Variants in TRAM2 observed in about 807,000 individuals in gnomAD.
TRAM2 encodes the protein translocating chain-associated membrane protein 2.
TRAM2 carries 12 observed loss-of-function variants against 51.0 expected under a neutral mutation model. The ratio of observed to expected loss-of-function variants is 0.24; its 90% CI spans 0.15 to 0.38. The LOEUF is 0.38. Among genes scored for constraint, TRAM2 ranks in the 10% least tolerant of loss-of-function variants. The pLI is 1.00. For missense variants in TRAM2, 361 were observed against 462.0 expected, an observed-to-expected ratio of 0.78 and a Z score of 2.00; for synonymous variants, 175 against 179.4, an observed-to-expected ratio of 0.98 and a Z score of 0.20.
chr6:52,511,485 C>A (rs1328817655), intron 4 of TRAM2, among the ~76,000 whole-genome samples: 2 of 152,176 alleles, frequency 1.3e-5, no homozygotes, highest in African/African-American at 4.8e-5. Flanking sequence ...TTCAGTAAAT[C>A]AGAAAATCAG....
chr6:52,526,145 A>C (rs1437412920), intron 2 of TRAM2, among the ~76,000 whole-genome samples: 4 of 20,654 alleles, frequency 1.9e-4, no homozygotes, highest in African/African-American at 8.8e-4. Context: ...GGAAATACAC[A>C]CAGACAGACA....
In TRAM2 at chr6:52,504,658, C is replaced by T. The variant is rs766543608; in HGVS notation, c.972G>A (p.Glu324=). ...QLRHWREYWN[E]QSAKRRVPAT... is the part of the protein sequence containing the mutation. Reference sequence around the variant, plus strand: ...CTGGGACTCTCCGCTTTGCACTCTGCTCATTCCAGTATTCCCGCCAGTGCC... The same window carrying T: ...CTGGGACTCTCCGCTTTGCACTCTGTTCATTCCAGTATTCCCGCCAGTGCC... Residue 324 remains glutamate, a synonymous_variant, in exon 10 of 11, where the codon GAG becomes GAA. Coordinates refer to ENST00000182527, the MANE Select transcript of TRAM2 (RefSeq NM_012288.4). 1 of 1,613,692 alleles carries T rather than the reference C, an allele frequency of 6.2e-7. No individual in the cohort carries two copies. Among genetic ancestry groups the T allele is most frequent in the South Asian group, 1.1e-5 (1 of 91,048 alleles).
At chr6:52,521,929 G>A (rs1194964429) in intron 2 of TRAM2, among the ~76,000 whole-genome samples, 1 of 152,124 alleles carries the variant, frequency 6.6e-6, no homozygotes, top group Non-Finnish European at 1.5e-5. Context: ...GGCCAGAGAG[G>A]TGACTCTGAT....
At chr6:52,550,518 G>GT (rs1767288776) in intron 1 of TRAM2, among the ~76,000 whole-genome samples, 1 of 152,000 alleles carries the variant, frequency 6.6e-6, no homozygotes, top group South Asian at 2.1e-4. Flanking sequence ...CCTCATCAAC[G>GT]TAACTGCTGG....
intron 2 of TRAM2, among the ~76,000 whole-genome samples, chr6:52,532,031 T>C (rs1475201483): frequency 6.6e-6 from 1 of 152,204 alleles, no homozygotes; most frequent in Non-Finnish European, 1.5e-5. Flanking sequence ...CACTCCGCCT[T>C]ACTCAAACAT....
intron 1 of TRAM2, among the ~76,000 whole-genome samples, chr6:52,570,141 A>C (rs546848909): frequency 6.6e-6 from 1 of 152,328 alleles, no homozygotes; most frequent in South Asian, 2.1e-4. Context: ...TACAGCTACA[A>C]TGTTAACTTG....
chr6:52,536,029 C>G (rs1435581409), intron 1 of TRAM2, among the ~76,000 whole-genome samples, 183 bp from the exon 2 acceptor site: 2 of 152,188 alleles, frequency 1.3e-5, no homozygotes, highest in South Asian at 2.1e-4. Context: ...CCTCTCAATA[C>G]CTGTACCCTG....
chr6:52,517,920 G>A (rs911822700), intron 2 of TRAM2, among the ~76,000 whole-genome samples: 2 of 152,172 alleles, frequency 1.3e-5, no homozygotes, highest in African/African-American at 2.4e-5. Flanking sequence ...AGGAGGTGGC[G>A]AGGACAGAGA....
chr6:52,573,151 C>T (rs956073134), intron 1 of TRAM2, among the ~76,000 whole-genome samples: 1 of 152,090 alleles, frequency 6.6e-6, no homozygotes, highest in African/African-American at 2.4e-5. Flanking sequence ...TTCGGTGCAC[C>T]CCCTTTTTCC....
intron 1 of TRAM2, among the ~76,000 whole-genome samples, chr6:52,547,361 G>C (rs1343477536): frequency 6.6e-6 from 1 of 152,180 alleles, no homozygotes; most frequent in East Asian, 1.9e-4. Flanking sequence ...GGCCTGGGCA[G>C]CTTTTGTTAA....
chr6:52,537,970 C>T (rs918084118), intron 1 of TRAM2, among the ~76,000 whole-genome samples: 2 of 152,216 alleles, frequency 1.3e-5, no homozygotes, highest in African/African-American at 4.8e-5. Flanking sequence ...TCCAGCTCTG[C>T]CACAGAGCCC....
intron 2 of TRAM2, among the ~76,000 whole-genome samples, chr6:52,518,097 T>C (rs1167853964): frequency 2.6e-5 from 4 of 152,158 alleles, no homozygotes; most frequent in African/African-American, 9.7e-5. Flanking sequence ...AACAGACAGA[T>C]GTACGATTAC....
chr6:52,561,938 T>G (rs1055479504), intron 1 of TRAM2, among the ~76,000 whole-genome samples: 1 of 152,230 alleles, frequency 6.6e-6, no homozygotes, highest in Non-Finnish European at 1.5e-5. Flanking sequence ...GATGGAAATG[T>G]TTTGAAATTA....
Position 52,570,805 on chromosome 6 carries a change from C to CCA in TRAM2, c.120+5989_120+5990dup, listed in dbSNP as rs1554267139. ...TCCTCCCTGCCCACCACCCCCCCCC[C>CCA]CACACGCACACACACTCTGCCTCCA... On this transcript the variant is annotated intron_variant, in intron 1 of 10. Coordinates refer to ENST00000182527, the MANE Select transcript of TRAM2 (RefSeq NM_012288.4). Among the ~76,000 whole-genome samples, 568 of 142,118 alleles carry CCA rather than the reference C, an allele frequency of 4.0e-3. 8 individuals carry two copies. The highest frequency in any genetic ancestry group is 0.014 in the African/African-American group (541 of 37,904). 93.2% of individuals were successfully genotyped at this position (142,118 alleles called of 152,430 possible). A position where few individuals can be genotyped will look rare whatever the true frequency, so the allele number is the denominator to read the frequency against.
intron 7 of TRAM2, among the ~76,000 whole-genome samples, chr6:52,506,787 T>C (rs1461734110): frequency 1.3e-5 from 2 of 151,668 alleles, no homozygotes; most frequent in Admixed American, 1.3e-4. Flanking sequence ...GGAGACAGAG[T>C]TTGAGAGCTC....
In TRAM2 at chr6:52,576,829, C is replaced by T. The variant is rs150631356; in HGVS notation, c.87G>A (p.Leu29=). 8.6e-5 allele frequency: 139 copies of T among 1,613,810 alleles called. No homozygotes were observed. Among genetic ancestry groups the T allele is most frequent in the Non-Finnish European group, 1.1e-4 (130 of 1,179,814 alleles). ...TAAGCCCGATGAGGACGCAGAGCAC[C>T]AGGCAGAAGCCGATGTCCGCATGGT... ...IHNHADIGFC[L]VLCVLIGLMF... Residue 29 remains leucine (L), a synonymous_variant, in exon 1 of 11, where the codon CTG becomes CTA. Coordinates refer to ENST00000182527, the MANE Select transcript of TRAM2 (RefSeq NM_012288.4).
intron 2 of TRAM2, among the ~76,000 whole-genome samples, chr6:52,532,843 G>A (rs942839371): frequency 2.6e-5 from 4 of 151,990 alleles, no homozygotes; most frequent in Non-Finnish European, 4.4e-5. Context: ...ATTCCAAAAC[G>A]TTCTAACTTT....
Position 52,502,897 on chromosome 6 carries a change from G to A in TRAM2, c.*300C>T, listed in dbSNP as rs1766261843. The A allele has an allele frequency of 2.4e-6, 1 of 413,224 alleles. No homozygotes were observed. Among genetic ancestry groups the A allele is most frequent in the South Asian group, 4.4e-5 (1 of 22,812 alleles). The allele number at this position is 413,224 out of a possible 1,614,324, so 25.6% of individuals were successfully genotyped here. ...GGCAAGAGACAGAGCAAGCAGAAAGGTGCCAGCCATGGGCGCCTGGCGTTC... is the reference window on the plus strand; with the variant it reads ...GGCAAGAGACAGAGCAAGCAGAAAGATGCCAGCCATGGGCGCCTGGCGTTC... On this transcript the variant is annotated 3_prime_UTR_variant, in exon 11 of 11. Transcript: ENST00000182527.
chr6:52,576,270 C>A (rs1237658360), intron 1 of TRAM2, among the ~76,000 whole-genome samples: 1 of 152,208 alleles, frequency 6.6e-6, no homozygotes, highest in Non-Finnish European at 1.5e-5. Flanking sequence ...CAGGGCCACA[C>A]GTGAACATCC....
Sources: allele counts gnomAD v4.1 joint callset (sites outside exome capture counted in the v4.1 genomes callset), GRCh38; gene constraint gnomAD v4.1.1; transcripts MANE v1.5; gene names NCBI Gene and HGNC (gene_info 2026-07-23, HGNC 2026-07-21).